ACSBG2: variants seen among roughly 807,000 people sequenced by gnomAD.
The protein encoded by ACSBG2 is long-chain-fatty-acid--CoA ligase ACSBG2.
Under a neutral mutation model 74.7 loss-of-function variants are expected in ACSBG2, and 62 were observed. The observed-to-expected ratio is 0.83, with a 90% CI of 0.68 to 1.03. ACSBG2 has a LOEUF of 1.03. Ranked by LOEUF, ACSBG2 falls within the 50% of genes least tolerant of loss-of-function variation. ACSBG2 has a pLI of 0.00. For missense variants in ACSBG2, 730 were observed against 817.6 expected, an observed-to-expected ratio of 0.89 and a Z score of 1.31; for synonymous variants, 309 against 294.1, an observed-to-expected ratio of 1.05 and a Z score of -0.52.
At chr19:6,184,832 G>GGAAAAA (rs2090352725) in intron 10 of ACSBG2, among the ~76,000 whole-genome samples, 1 of 13,512 alleles carries the variant, frequency 7.4e-5, no homozygotes, top group African/African-American at 1.2e-4. Flanking sequence ...ATGTGGAGAT[G>GGAAAAA]AAAAAAAAAA....
At chr19:6,183,791 ATGTGTT>A (rs2090327502) in intron 10 of ACSBG2, among the ~76,000 whole-genome samples, 1 of 152,122 alleles carries the variant, frequency 6.6e-6, no homozygotes, top group Non-Finnish European at 1.5e-5. Context: ...CTTTTCATAC[ATGTGTT>A]TATTTATTAA....
intron 6 of ACSBG2, among the ~76,000 whole-genome samples, chr19:6,165,248 G>A (rs1348270845): frequency 2.0e-5 from 3 of 152,198 alleles, no homozygotes; most frequent in Non-Finnish European, 4.4e-5. Flanking sequence ...AGATGGTTCA[G>A]CAGCTCCTAG....
intron 11 of ACSBG2, 95 bp from the exon 12 acceptor site, chr19:6,187,188 A>T: frequency 6.5e-7 from 1 of 1,535,236 alleles, no homozygotes; most frequent in Non-Finnish European, 8.9e-7. Context: ...TATATTTAGT[A>T]GAGACGGGGT....
chr19:6,170,843 A>G (rs1271370869), intron 7 of ACSBG2, among the ~76,000 whole-genome samples: 2 of 152,132 alleles, frequency 1.3e-5, no homozygotes, highest in Non-Finnish European at 2.9e-5. Flanking sequence ...GAAGTCCCTC[A>G]CAATTATTGT....
intron 2 of ACSBG2, among the ~76,000 whole-genome samples, chr19:6,146,002 C>T (rs2089018170): frequency 6.6e-6 from 1 of 152,192 alleles, no homozygotes; most frequent in South Asian, 2.1e-4. Context: ...ACACACATAA[C>T]TCACTTCTTA....
rs1435000324 is a variant in ACSBG2 at position 6,161,336 on chromosome 19, G to A, written c.588+41G>A. The A allele has an allele frequency of 1.9e-6, 3 of 1,586,234 alleles. No individual in the cohort carries two copies. The African/African-American group carries it at 4.0e-5, about 21-fold the overall frequency. On this transcript the variant is annotated intron_variant, in intron 6 of 14. Coordinates refer to ENST00000588485, the MANE Select transcript of ACSBG2 (RefSeq NM_030924.5). ...GGGCACTGGGGAAAGGGGAGGGCGG[G>A]GCCTTGCAAGAAAAGTGGGCGTGGC...
chr19:6,143,826 TA>T (rs2088932542), intron 2 of ACSBG2, among the ~76,000 whole-genome samples: 1 of 152,314 alleles, frequency 6.6e-6, no homozygotes, highest in South Asian at 2.1e-4. Context: ...CTGTATGAAC[TA>T]GGCTTCCCTT....
At chr19:6,138,965 T>C (rs1428910786) in intron 1 of ACSBG2, among the ~76,000 whole-genome samples, 1 of 152,196 alleles carries the variant, frequency 6.6e-6, no homozygotes, top group East Asian at 1.9e-4. Flanking sequence ...TTTTCATGCA[T>C]ATCTGTAGCT....
intron 1 of ACSBG2, among the ~76,000 whole-genome samples, chr19:6,138,371 G>A (rs2088662166): frequency 6.6e-6 from 1 of 151,704 alleles, no homozygotes; most frequent in Non-Finnish European, 1.5e-5. Context: ...AGGCTCCTGG[G>A]AGGAAGCTTA....
At position 6,185,571 on chromosome 19, in the gene ACSBG2, C is replaced by A. The variant is rs752635667; in HGVS notation, c.1458C>A (p.Ile486=). ...LESETETTEA[I]DDEGWLHSGD... Reference sequence around the variant, plus strand: ...GTGAGACTGAAACTACAGAGGCCATCGATGATGAAGGCTGGCTACACTCTG... The same window carrying A: ...GTGAGACTGAAACTACAGAGGCCATAGATGATGAAGGCTGGCTACACTCTG... Residue 486 remains isoleucine (I), a synonymous_variant, in exon 11 of 15, where the codon ATC becomes ATA. Transcript: ENST00000588485. 3 of 1,614,122 alleles carry A rather than the reference C, an allele frequency of 1.9e-6. No individual in the cohort carries two copies. The highest frequency in any genetic ancestry group is 1.7e-5 in the Admixed American group (1 of 60,014).
At chr19:6,158,787 T>C (rs1477735407) in intron 5 of ACSBG2, among the ~76,000 whole-genome samples, 1 of 152,178 alleles carries the variant, frequency 6.6e-6, no homozygotes, top group Non-Finnish European at 1.5e-5. Context: ...GGGTACAGTT[T>C]CCAGATTCAA....
intron 2 of ACSBG2, among the ~76,000 whole-genome samples, chr19:6,142,774 A>C (rs1477810856): frequency 6.8e-6 from 1 of 146,428 alleles, no homozygotes; most frequent in Admixed American, 6.9e-5. Context: ...AAAAATAGTG[A>C]AAGTACTGAG....
chr19:6,146,720 G>A (rs1015908069), intron 2 of ACSBG2, among the ~76,000 whole-genome samples: 4 of 151,940 alleles, frequency 2.6e-5, no homozygotes, highest in African/African-American at 4.8e-5. Flanking sequence ...AGCCAAGATC[G>A]TGCCATTGTA....
At chr19:6,179,428 T>C (rs533934477) in intron 8 of ACSBG2, among the ~76,000 whole-genome samples, 101 of 151,770 alleles carry the variant, frequency 6.7e-4, no homozygotes, top group African/African-American at 2.4e-3. Context: ...GCCTCCCCTG[T>C]AGCCAGAACT....
Position 6,147,632 on chromosome 19 carries a change from A to C in ACSBG2, c.254A>C (p.Gln85Pro). 2 of 1,614,260 alleles carry C rather than the reference A, an allele frequency of 1.2e-6. No individual in the cohort carries two copies. Among genetic ancestry groups the C allele is most frequent in the Non-Finnish European group, 1.7e-6 (2 of 1,180,048 alleles). ...GKKWEILNFNQYYEACRKAAK... is the reference protein window; with the variant it reads ...GKKWEILNFNPYYEACRKAAK... ...AAGTGGGAAATTCTGAATTTCAACC[A>C]GTACTATGAGGCTTGTCGGAAGGCT... Residue 85 changes from glutamine (Q) to proline (P), a missense_variant, in exon 3 of 15, where the codon CAG (glutamine) becomes CCG (proline). Physicochemically the swap from Gln to Pro is moderately conservative, Grantham distance 76. Transcript: ENST00000588485.
At position 6,183,205 on chromosome 19, in the gene ACSBG2, T is replaced by C. The variant is rs558426041; in HGVS notation, c.1255T>C (p.Leu419=). 6.2e-6 allele frequency: 10 copies of C among 1,613,786 alleles called. No homozygotes were observed. The East Asian group carries it at 1.1e-4, about 18-fold the overall frequency. ...FLSLDIPIGE[L]YGLSESSGPH... ...AAGCTTGGACATACCTATAGGCGAG[T>C]TGTATGGGTTGAGTGAGAGCTCGGG... Residue 419 remains leucine, a synonymous_variant, in exon 10 of 15, where the codon TTG becomes CTG. Transcript: ENST00000588485.
chr19:6,186,859 C>CACACCCGGCTATTTTT (rs1819731667), intron 11 of ACSBG2, among the ~76,000 whole-genome samples: 1 of 152,084 alleles, frequency 6.6e-6, no homozygotes, highest in Non-Finnish European at 1.5e-5. Flanking sequence ...CGTGTGCCAC[C>CACACCCGGCTATTTTT]ACACCCGGCT....
At chr19:6,161,879 A>G (rs780376882) in intron 6 of ACSBG2, among the ~76,000 whole-genome samples, 1 of 152,178 alleles carries the variant, frequency 6.6e-6, no homozygotes, top group Non-Finnish European at 1.5e-5. Context: ...GGCTAAAAAA[A>G]ATCAGTCATT....
chr19:6,189,058 G>A (rs972978398), intron 13 of ACSBG2, among the ~76,000 whole-genome samples: 2 of 152,012 alleles, frequency 1.3e-5, no homozygotes, highest in Non-Finnish European at 2.9e-5. Flanking sequence ...ATGAGGAAGG[G>A]GTTAGAGAGC....
Sources: allele counts gnomAD v4.1 joint callset (sites outside exome capture counted in the v4.1 genomes callset), GRCh38; gene constraint gnomAD v4.1.1; transcripts MANE v1.5; gene names NCBI Gene and HGNC (gene_info 2026-07-23, HGNC 2026-07-21).